Variants in CNTN4 observed in about 807,000 individuals in gnomAD.
CNTN4 encodes contactin 4.
CNTN4 carries 77 observed loss-of-function variants against 122.5 expected under a neutral mutation model. That is an observed-to-expected ratio of 0.63 (90% CI 0.52 to 0.76). CNTN4 has a LOEUF of 0.76. Ranked by LOEUF, CNTN4 falls within the 30% of genes least tolerant of loss-of-function variation. CNTN4 has a pLI of 0.00. For synonymous variants in CNTN4, 512 were observed against 447.0 expected, an observed-to-expected ratio of 1.15 and a Z score of -1.83; for missense variants, 1,256 against 1,259.1, an observed-to-expected ratio of 1.00 and a Z score of 0.04.
At chr3:2,849,436 A>AT (rs1316300314) in intron 7 of CNTN4, among the ~76,000 whole-genome samples, 3 of 152,086 alleles carry the variant, frequency 2.0e-5, no homozygotes, top group Non-Finnish European at 4.4e-5. Flanking sequence ...TGCCACACTA[A>AT]TTTTTTTTAA....
intron 2 of CNTN4, among the ~76,000 whole-genome samples, chr3:2,270,542 G>C (rs2041252396): frequency 6.6e-6 from 1 of 152,052 alleles, no homozygotes; most frequent in Admixed American, 6.6e-5. Context: ...TATGACCTGT[G>C]GGGCCCTACT....
intron 3 of CNTN4, among the ~76,000 whole-genome samples, chr3:2,362,013 GA>G (rs911998037): frequency 1.3e-5 from 2 of 152,144 alleles, no homozygotes; most frequent in African/African-American, 4.8e-5. Flanking sequence ...CATTTAAGTA[GA>G]AAAAAGGAGG....
In CNTN4 at chr3:2,824,115, A is replaced by T. The variant is rs968616929; in HGVS notation, c.454+4534A>T. On this transcript the variant is annotated intron_variant, in intron 7 of 24. Transcript: ENST00000418658. Reference sequence around the variant, plus strand: ...ATAGGTGTCCAACCTGTTCACAAGCATATTCCGATTCCATAAATCTGGGCT... The same window carrying T: ...ATAGGTGTCCAACCTGTTCACAAGCTTATTCCGATTCCATAAATCTGGGCT... Among the ~76,000 whole-genome samples, 7 of 151,346 alleles carry T rather than the reference A, an allele frequency of 4.6e-5. No homozygotes were observed. In the East Asian group the frequency reaches 1.4e-3, roughly 30 times the overall value.
intron 10 of CNTN4, among the ~76,000 whole-genome samples, chr3:2,897,940 G>A (rs575881372): frequency 3.1e-4 from 47 of 152,252 alleles, no homozygotes; most frequent in African/African-American, 1.1e-3. Context: ...ATCACAAAAG[G>A]GGAGGGGCTA....
chr3:2,540,048 C>A (rs932907523), intron 3 of CNTN4, among the ~76,000 whole-genome samples: 3 of 150,278 alleles, frequency 2.0e-5, no homozygotes, highest in Non-Finnish European at 4.4e-5. Context: ...AGATAATATG[C>A]CATAATCTGC....
intron 6 of CNTN4, among the ~76,000 whole-genome samples, chr3:2,753,401 T>G (rs988921117): frequency 6.6e-6 from 1 of 152,226 alleles, no homozygotes; most frequent in African/African-American, 2.4e-5. Context: ...ATACTCTATG[T>G]TGGATATTAT....
At chr3:2,895,822 C>G (rs970319392) in intron 10 of CNTN4, among the ~76,000 whole-genome samples, 5 of 152,282 alleles carry the variant, frequency 3.3e-5, no homozygotes, top group Non-Finnish European at 5.9e-5. Flanking sequence ...ATCACAAGGT[C>G]AGGAGATCGA....
intron 14 of CNTN4, among the ~76,000 whole-genome samples, chr3:2,994,613 A>G (rs185395555): frequency 0.02 from 2,870 of 142,196 alleles, 97 homozygotes; most frequent in African/African-American, 0.066. Flanking sequence ...ATATATATAT[A>G]TGTGTGTATA....
intron 18 of CNTN4, chr3:3,037,643 T>A (rs1699731525): frequency 2.6e-6 from 1 of 385,544 alleles, no homozygotes; most frequent in Non-Finnish European, 4.9e-6. Flanking sequence ...CAAAAAAAAA[T>A]CCCACATTTC....
At chr3:3,016,058 C>G (rs577577538) in intron 14 of CNTN4, among the ~76,000 whole-genome samples, 1 of 152,194 alleles carries the variant, frequency 6.6e-6, no homozygotes, top group East Asian at 1.9e-4. Context: ...AGAAAACATT[C>G]TAATTATTAT....
At chr3:2,153,632 A>G (rs2035588748) in intron 2 of CNTN4, among the ~76,000 whole-genome samples, 1 of 152,140 alleles carries the variant, frequency 6.6e-6, no homozygotes, top group African/African-American at 2.4e-5. Flanking sequence ...AAGGAGCGCG[A>G]AACCATGGTA....
intron 3 of CNTN4, among the ~76,000 whole-genome samples, chr3:2,474,752 C>T (rs775435562): frequency 3.3e-5 from 5 of 152,106 alleles, no homozygotes; most frequent in Non-Finnish European, 5.9e-5. Context: ...TTCTATGTTG[C>T]CTCCAACCCT....
chr3:2,612,422 G>A (rs549155223), intron 4 of CNTN4, among the ~76,000 whole-genome samples: 1 of 152,206 alleles, frequency 6.6e-6, no homozygotes, highest in East Asian at 1.9e-4. Context: ...ATGGGTATTT[G>A]AAGTACAATT....
chr3:2,517,724 C>G (rs1182158557), intron 3 of CNTN4, among the ~76,000 whole-genome samples: 1 of 152,154 alleles, frequency 6.6e-6, no homozygotes, highest in Non-Finnish European at 1.5e-5. Context: ...ACTTTGCCTC[C>G]TCGCTGGTTA....
At chr3:2,854,442 T>TG (rs2150706831) in intron 7 of CNTN4, among the ~76,000 whole-genome samples, 1 of 150,274 alleles carries the variant, frequency 6.7e-6, no homozygotes, top group South Asian at 2.1e-4. Flanking sequence ...CTGGCTAATT[T>TG]TTGTATTTTT....
chr3:2,196,647 A>T (rs552328687), intron 2 of CNTN4, among the ~76,000 whole-genome samples: 214 of 152,102 alleles, frequency 1.4e-3, no homozygotes, highest in Non-Finnish European at 2.6e-3. Context: ...TAGACAAGGG[A>T]TCTTGCTGGA....
At chr3:2,120,374 AATATATAT>A (rs1185851358) in intron 2 of CNTN4, among the ~76,000 whole-genome samples, 29 of 59,054 alleles carry the variant, frequency 4.9e-4, no homozygotes, top group African/African-American at 1.9e-3. Flanking sequence ...TATATATATA[AATATATAT>A]ATATATATAT....
intron 3 of CNTN4, among the ~76,000 whole-genome samples, chr3:2,468,673 T>C (rs1242401949): frequency 6.6e-6 from 1 of 152,118 alleles, no homozygotes; most frequent in Non-Finnish European, 1.5e-5. Flanking sequence ...ATCTCAGAGG[T>C]TCATTCATGT....
chr3:2,559,547 A>C (rs539722289), intron 3 of CNTN4, among the ~76,000 whole-genome samples: 1 of 152,204 alleles, frequency 6.6e-6, no homozygotes, highest in South Asian at 2.1e-4. Flanking sequence ...TTGTATTGTA[A>C]CTGACCCATA....
Sources: allele counts gnomAD v4.1 joint callset (sites outside exome capture counted in the v4.1 genomes callset), GRCh38; gene constraint gnomAD v4.1.1; transcripts MANE v1.5; gene names NCBI Gene and HGNC (gene_info 2026-07-23, HGNC 2026-07-21).